The following SAMD12 variants were observed in gnomAD, a reference collection of about 807,000 sequenced individuals.
The protein encoded by SAMD12 is sterile alpha motif domain containing 12.
SAMD12 carries 9 observed loss-of-function variants against 15.0 expected under a neutral mutation model. That is an observed-to-expected ratio of 0.60 (90% CI 0.36 to 1.05). SAMD12 has a LOEUF of 1.05. Among genes scored for constraint, SAMD12 ranks in the 50% least tolerant of loss-of-function variants. SAMD12 has a pLI of 0.01. For missense variants in SAMD12, 230 were observed against 234.2 expected (o/e 0.98, Z 0.12); for synonymous variants, 86 against 90.1 (o/e 0.96, Z 0.25).
intron 1 of SAMD12, among the ~76,000 whole-genome samples, chr8:118,590,469 G>T (rs1315916388): frequency 6.6e-6 from 1 of 152,232 alleles, no homozygotes; most frequent in Non-Finnish European, 1.5e-5. Flanking sequence ...TTTATGAGAG[G>T]TGAGCCTTCC....
At chr8:118,572,591 C>G (rs1827043829) in intron 2 of SAMD12, among the ~76,000 whole-genome samples, 1 of 151,908 alleles carries the variant, frequency 6.6e-6, no homozygotes, top group African/African-American at 2.4e-5. Flanking sequence ...CTCACGAGAC[C>G]TGATGGTATT....
At chr8:118,471,987 C>T (rs1823808096) in intron 2 of SAMD12, among the ~76,000 whole-genome samples, 1 of 152,170 alleles carries the variant, frequency 6.6e-6, no homozygotes, top group Non-Finnish European at 1.5e-5. Flanking sequence ...ATTTCCTCAT[C>T]TGTAAAAAGT....
intron 4 of SAMD12, among the ~76,000 whole-genome samples, chr8:118,298,464 C>T (rs1447621272): frequency 6.6e-6 from 1 of 151,552 alleles, no homozygotes; most frequent in Non-Finnish European, 1.5e-5. Context: ...CTAGATAATC[C>T]CAGTTGATTC....
chr8:118,543,550 C>T (rs1432756578), intron 2 of SAMD12, among the ~76,000 whole-genome samples: 1 of 151,858 alleles, frequency 6.6e-6, no homozygotes, highest in Non-Finnish European at 1.5e-5. Flanking sequence ...TGGCCGAGGA[C>T]AGCTTTAAAT....
chr8:118,174,929 TA>T, the SAMD12 span, among the ~76,000 whole-genome samples: 1 of 151,706 alleles, frequency 6.6e-6, no homozygotes, highest in East Asian at 1.9e-4. Flanking sequence ...CATGGAATTT[TA>T]TCTCTAAATA....
chr8:118,597,762 C>G (rs1456776730), intron 1 of SAMD12, among the ~76,000 whole-genome samples: 1 of 152,202 alleles, frequency 6.6e-6, no homozygotes, highest in Non-Finnish European at 1.5e-5. Flanking sequence ...TCAGTGAAGA[C>G]ATTTAAGTTG....
At chr8:118,417,761 G>A (rs998886480) in intron 3 of SAMD12, among the ~76,000 whole-genome samples, 1 of 152,122 alleles carries the variant, frequency 6.6e-6, no homozygotes, top group Non-Finnish European at 1.5e-5. Context: ...ATATAAATGG[G>A]TACTGAAACA....
At chr8:118,390,363 GA>G (rs1820207902) in intron 3 of SAMD12, among the ~76,000 whole-genome samples, 2 of 152,084 alleles carry the variant, frequency 1.3e-5, no homozygotes, top group South Asian at 4.1e-4. Context: ...CAGTGCAAAG[GA>G]ATTCAGGCAG....
At chr8:118,518,496 C>T (rs1184722539) in intron 2 of SAMD12, among the ~76,000 whole-genome samples, 1 of 152,108 alleles carries the variant, frequency 6.6e-6, no homozygotes, top group Non-Finnish European at 1.5e-5. Context: ...ACCCCAATGC[C>T]AAAAAGTTAT....
chr8:118,414,324 G>C (rs1161318498), intron 3 of SAMD12, among the ~76,000 whole-genome samples: 1 of 152,164 alleles, frequency 6.6e-6, no homozygotes, highest in East Asian at 1.9e-4. Context: ...GGATAATGGG[G>C]AAGCTGAATT....
At chr8:118,363,971 T>C (rs909122828) in intron 4 of SAMD12, among the ~76,000 whole-genome samples, 3 of 152,192 alleles carry the variant, frequency 2.0e-5, no homozygotes, top group African/African-American at 7.2e-5. Flanking sequence ...AAGTGAAGAT[T>C]TGGGAAACTT....
intron 2 of SAMD12, among the ~76,000 whole-genome samples, chr8:118,504,283 G>A (rs1240557575): frequency 6.6e-6 from 1 of 152,080 alleles, no homozygotes; most frequent in Non-Finnish European, 1.5e-5. Context: ...AAGAAGCCCG[G>A]AGAAAAACAA....
At chr8:118,492,628 G>A (rs1281144800) in intron 2 of SAMD12, among the ~76,000 whole-genome samples, 1 of 151,994 alleles carries the variant, frequency 6.6e-6, no homozygotes, top group Non-Finnish European at 1.5e-5. Context: ...TATGTCACTT[G>A]TATTATTACA....
chr8:118,326,349 C>T (rs1203213266), intron 4 of SAMD12, among the ~76,000 whole-genome samples: 2 of 152,024 alleles, frequency 1.3e-5, no homozygotes, highest in Non-Finnish European at 2.9e-5. Context: ...TAAAAGAAGC[C>T]AAAAACTCAG....
chr8:118,547,027 T>TGGCCG (rs1826149644), intron 2 of SAMD12, among the ~76,000 whole-genome samples: 1 of 152,218 alleles, frequency 6.6e-6, no homozygotes, highest in Non-Finnish European at 1.5e-5. Flanking sequence ...TACAGAATAT[T>TGGCCG]CAGACTTTTG....
chr8:118,211,946 C>T (rs746453027), intron 4 of SAMD12, among the ~76,000 whole-genome samples: 10 of 152,134 alleles, frequency 6.6e-5, no homozygotes, highest in Non-Finnish European at 1.0e-4. Context: ...AGGAAGATAA[C>T]AAATTCTTCC....
At chr8:118,379,762 A>G in intron 3 of SAMD12, 62 bp from the exon 4 acceptor site, 3 of 1,572,828 alleles carry the variant, frequency 1.9e-6, no homozygotes, top group South Asian at 1.2e-5. Context: ...AAAGATGTCC[A>G]TTTTGGTCTT....
chr8:118,236,573 A>G (rs1441144151), intron 4 of SAMD12, among the ~76,000 whole-genome samples: 1 of 152,236 alleles, frequency 6.6e-6, no homozygotes, highest in Non-Finnish European at 1.5e-5. Context: ...TTACAGAATT[A>G]GGAAAAAAAC....
chr8:118,173,907 G>T, the SAMD12 span, among the ~76,000 whole-genome samples: 6 of 152,112 alleles, frequency 3.9e-5, no homozygotes, highest in African/African-American at 1.4e-4. Flanking sequence ...TGGGATTGCA[G>T]GCATGAGCCA....
Sources: gnomAD v4.1 joint callset for allele counts (sites outside exome capture counted in the v4.1 genomes callset) on GRCh38, gnomAD v4.1.1 for gene constraint, MANE v1.5 for transcripts, NCBI Gene and HGNC (gene_info 2026-07-23, HGNC 2026-07-21) for gene names.